Variants in TULP4 observed in about 807,000 individuals in gnomAD.
TULP4 encodes tubby-related protein 4.
A neutral mutation model predicts 129.0 loss-of-function variants in TULP4; 16 were observed. That is an observed-to-expected ratio of 0.12 (90% CI 0.08 to 0.19). The LOEUF (loss-of-function observed/expected upper bound fraction) is 0.19, where lower values mean the gene tolerates loss of function less well. Among genes scored for constraint, TULP4 ranks in the 10% least tolerant of loss-of-function variants. TULP4 has a pLI of 1.00. For synonymous variants in TULP4, 998 were observed against 854.0 expected (o/e 1.17, Z -2.94); for missense variants, 1,842 against 2,059.1 (o/e 0.89, Z 2.04).
chr6:158,342,223 G>A (rs533368911), intron 1 of TULP4, among the ~76,000 whole-genome samples: 1 of 152,202 alleles, frequency 6.6e-6, no homozygotes, highest in Non-Finnish European at 1.5e-5. Context: ...GCCCAGCTTG[G>A]TGTGATCTTA....
chr6:158,461,697 G>A lies in TULP4; in HGVS notation c.994G>A (p.Glu332Lys). The change falls in exon 6 of 14, where the codon GAG becomes AAG. Residue 332 changes from glutamate (E) to lysine (K), a missense_variant. Glu to Lys is a moderately conservative substitution (Grantham distance 56). Around this residue, in one of 5 missense-constraint regions of TULP4, gnomAD observed 456 missense variants for 534.3 expected, o/e 0.85. Transcript: ENST00000367097. ...GGTCAAGTTCTACAATGTTCGTGGG[G>A]AGCACATCTTCACACTGGACACTCT... Reference protein sequence around the residue: ...AMVKFYNVRGEHIFTLDTLVQ... With the variant: ...AMVKFYNVRGKHIFTLDTLVQ... 1 of 1,614,172 alleles carries A rather than the reference G, an allele frequency of 6.2e-7. No homozygotes were observed. The highest frequency in any genetic ancestry group is 8.5e-7 in the Non-Finnish European group (1 of 1,180,032).
At chr6:158,450,737 C>T (rs954552629) in intron 4 of TULP4, among the ~76,000 whole-genome samples, 1 of 136,184 alleles carries the variant, frequency 7.3e-6, no homozygotes, top group Non-Finnish European at 1.6e-5. Context: ...ATTTACTTGC[C>T]CCCATTTTAT....
intron 6 of TULP4, among the ~76,000 whole-genome samples, chr6:158,465,496 T>G (rs1345402013): frequency 6.6e-6 from 1 of 152,250 alleles, no homozygotes; most frequent in African/African-American, 2.4e-5. Context: ...TTTTCAAGTC[T>G]TCTGGATTTG....
intron 1 of TULP4, among the ~76,000 whole-genome samples, chr6:158,244,142 T>C (rs148945453): frequency 0.014 from 2,182 of 152,280 alleles, 25 homozygotes; most frequent in Non-Finnish European, 0.024. Flanking sequence ...GCTCCCTCTT[T>C]GGGCAGTGTA....
At chr6:158,287,546 A>G (rs944787535) in intron 1 of TULP4, among the ~76,000 whole-genome samples, 3 of 152,200 alleles carry the variant, frequency 2.0e-5, no homozygotes, top group Non-Finnish European at 4.4e-5. Flanking sequence ...GTTAGCACGG[A>G]TGATAAGGGC....
chr6:158,357,871 G>A (rs1780683262), intron 1 of TULP4, among the ~76,000 whole-genome samples: 1 of 152,136 alleles, frequency 6.6e-6, no homozygotes, highest in South Asian at 2.1e-4. Flanking sequence ...TATTGAGAAA[G>A]CATAGATGAC....
chr6:158,503,903 A>T lies in TULP4; in HGVS notation c.4240A>T (p.Ile1414Phe), dbSNP rs777372284. 6.2e-7 allele frequency: 1 copy of T among 1,614,134 alleles called. No homozygotes were observed. The highest frequency in any genetic ancestry group is 8.5e-7 in the Non-Finnish European group (1 of 1,180,044). The part of the protein sequence containing the change: ...DSSESEPELF[I>F]SGDELMNQSQ... ...CTCCGAGAGCGAGCCTGAGCTGTTC[A>T]TCAGCGGGGATGAGCTCATGAACCA... The change falls in exon 13 of 14, where the codon ATC (isoleucine) becomes TTC (phenylalanine). Residue 1414 changes from isoleucine to phenylalanine, a missense_variant. Ile to Phe is a conservative substitution (Grantham distance 21, BLOSUM62 0). Coordinates refer to ENST00000367097, the MANE Select transcript of TULP4 (RefSeq NM_020245.5). This position sits in a 1 kb window ranked among gnomAD's most constrained non-coding sequence, Gnocchi z 4.3.
In TULP4 at chr6:158,508,645, G is replaced by A. The variant is rs1436797217; in HGVS notation, c.*1951G>A. 1 of 152,512 alleles carries A rather than the reference G, an allele frequency of 6.6e-6. No individual in the cohort carries two copies. Among genetic ancestry groups the A allele is most frequent in the Non-Finnish European group, 1.5e-5 (1 of 68,020 alleles). 9.4% of individuals were successfully genotyped at this position (152,512 alleles called of 1,614,324 possible). On this transcript the variant is annotated 3_prime_UTR_variant, in exon 14 of 14. Coordinates refer to ENST00000367097, the MANE Select transcript of TULP4 (RefSeq NM_020245.5). ...TTGATATGGTGTTTCAGTGCTTATT[G>A]GTTGTGCAATAATGGTTATAGCCTG...
chr6:158,496,185 G>A lies in TULP4; in HGVS notation c.1870+1339G>A, dbSNP rs138381703. Among the ~76,000 whole-genome samples, 651 of 152,344 alleles carry A rather than the reference G, an allele frequency of 4.3e-3. 2 individuals carry two copies. Among genetic ancestry groups the A allele is most frequent in the Non-Finnish European group, 7.2e-3 (492 of 68,032 alleles). On this transcript the variant is annotated intron_variant, in intron 11 of 13. Transcript: ENST00000367097. ...CATCTTTCCCAGTTGCAGAATCACT[G>A]CATGTCGTACACGTCTGTCTGCAAG...
chr6:158,433,510 C>A (rs994819438), intron 3 of TULP4, among the ~76,000 whole-genome samples: 1 of 152,058 alleles, frequency 6.6e-6, no homozygotes, highest in African/African-American at 2.4e-5. Flanking sequence ...GTCAGGAGAT[C>A]GAGACCATCC....
chr6:158,402,702 A>AGGTCTG (rs1339784814), intron 1 of TULP4, among the ~76,000 whole-genome samples: 2 of 152,168 alleles, frequency 1.3e-5, no homozygotes, highest in Non-Finnish European at 2.9e-5. Context: ...GCCATATTAA[A>AGGTCTG]GGTCTGAACT....
intron 3 of TULP4, 82 bp from the exon 4 acceptor site, chr6:158,448,914 C>A: frequency 2.1e-6 from 3 of 1,442,208 alleles, no homozygotes; most frequent in East Asian, 2.3e-5. Flanking sequence ...TATTGTCTTC[C>A]TAAAACAAAT....
chr6:158,340,433 G>A (rs748429378), intron 1 of TULP4, among the ~76,000 whole-genome samples: 5 of 152,066 alleles, frequency 3.3e-5, no homozygotes, highest in African/African-American at 4.8e-5. Flanking sequence ...GCCCTCCTCT[G>A]TGTGCACACA....
intron 1 of TULP4, among the ~76,000 whole-genome samples, chr6:158,390,096 CG>C (rs1777550444): frequency 6.6e-6 from 1 of 151,354 alleles, no homozygotes; most frequent in Admixed American, 6.6e-5. Context: ...ATTTAAATTA[CG>C]TAAGTCATTT....
intron 8 of TULP4, among the ~76,000 whole-genome samples, chr6:158,488,632 A>G (rs1025399489): frequency 6.6e-6 from 1 of 152,242 alleles, no homozygotes; most frequent in Non-Finnish European, 1.5e-5. Context: ...TTTGGATGGT[A>G]AGATCACTCA....
At chr6:158,344,386 CT>C (rs1780254952) in intron 1 of TULP4, among the ~76,000 whole-genome samples, 2 of 152,178 alleles carry the variant, frequency 1.3e-5, no homozygotes, top group African/African-American at 4.8e-5. Context: ...CTTTATTGGA[CT>C]TTGCAGATAG....
At chr6:158,417,765 T>C (rs1778243396) in intron 2 of TULP4, among the ~76,000 whole-genome samples, 1 of 152,236 alleles carries the variant, frequency 6.6e-6, no homozygotes. Context: ...TAGCATGCTT[T>C]TCATTGTCAC....
intron 1 of TULP4, among the ~76,000 whole-genome samples, chr6:158,366,308 G>T (rs552936986): frequency 1.5e-4 from 23 of 152,268 alleles, no homozygotes; most frequent in African/African-American, 5.5e-4. Flanking sequence ...CACCTTTCTG[G>T]AGTGGTTTTG....
In TULP4 at chr6:158,325,355, C is replaced by CTTTT. The variant is rs10630413; in HGVS notation, c.252+11099_252+11102dup. On this transcript the variant is annotated intron_variant, in intron 1 of 13. Transcript: ENST00000367097. ...TGAAGGGATTTGAGGAACAGCTTTT[C>CTTTT]TTTTTTTTTTTTTTTCAGACAGAGT... 1.3e-4 allele frequency among the ~76,000 whole-genome samples: 18 copies of CTTTT among 139,476 alleles called. 1 individual carries two copies. Among genetic ancestry groups the CTTTT allele is most frequent in the Non-Finnish European group, 2.0e-4 (13 of 65,570 alleles). The allele number at this position is 139,476 out of a possible 152,430, so 91.5% of individuals were successfully genotyped here.
Sources: allele counts gnomAD v4.1 joint callset (sites outside exome capture counted in the v4.1 genomes callset), GRCh38; gene constraint gnomAD v4.1.1; regional missense constraint gnomAD v4.1.1; non-coding constraint Gnocchi (gnomAD v3.1); transcripts MANE v1.5; gene names NCBI Gene and HGNC (gene_info 2026-07-23, HGNC 2026-07-21).